The following MGAT4C variants were observed in gnomAD, a reference collection of about 807,000 sequenced individuals.
MGAT4C encodes alpha-1,3-mannosyl-glycoprotein 4-beta-N-acetylglucosaminyltransferase C.
Under a neutral mutation model 40.1 loss-of-function variants are expected in MGAT4C, and 19 were observed. That is an observed-to-expected ratio of 0.47 (90% CI 0.33 to 0.70). MGAT4C has a LOEUF of 0.70. Ranked by LOEUF, MGAT4C falls within the 30% of genes least tolerant of loss-of-function variation. MGAT4C has a pLI of 0.02. For missense variants in MGAT4C, 491 were observed against 563.2 expected, an observed-to-expected ratio of 0.87 and a Z score of 1.30; for synonymous variants, 181 against 187.1, an observed-to-expected ratio of 0.97 and a Z score of 0.27.
At chr12:86,069,506 T>G (rs1894869008) in intron 1 of MGAT4C, among the ~76,000 whole-genome samples, 1 of 152,208 alleles carries the variant, frequency 6.6e-6, no homozygotes, top group African/African-American at 2.4e-5. Flanking sequence ...TAATATTCTA[T>G]GTATGGCACT....
chr12:86,313,564 A>G (rs1234792211), intron 4 of MGAT4C, among the ~76,000 whole-genome samples: 1 of 152,196 alleles, frequency 6.6e-6, no homozygotes, highest in Non-Finnish European at 1.5e-5. Flanking sequence ...AAAGCAGAAA[A>G]AAACACATTC....
intron 3 of MGAT4C, among the ~76,000 whole-genome samples, chr12:86,388,530 C>T (rs1327128327): frequency 6.6e-6 from 1 of 152,008 alleles, no homozygotes; most frequent in Admixed American, 6.6e-5. Flanking sequence ...ACTTAATTTA[C>T]ACATAGGCCA....
intron 3 of MGAT4C, among the ~76,000 whole-genome samples, chr12:86,422,996 G>T (rs1956857753): frequency 6.6e-6 from 1 of 152,158 alleles, no homozygotes; most frequent in African/African-American, 2.4e-5. Flanking sequence ...AGAATGGGCA[G>T]AAAGTAATCT....
intron 1 of MGAT4C, among the ~76,000 whole-genome samples, chr12:86,140,821 C>G (rs1186872406): frequency 6.6e-6 from 1 of 152,080 alleles, no homozygotes; most frequent in Admixed American, 6.6e-5. Context: ...AATGACTAAT[C>G]TCCTCAACAC....
intron 2 of MGAT4C, among the ~76,000 whole-genome samples, chr12:86,688,884 G>A (rs1295638578): frequency 6.6e-6 from 1 of 152,104 alleles, no homozygotes; most frequent in Non-Finnish European, 1.5e-5. Context: ...GAATTTGAAT[G>A]TTGGCCTGCC....
At position 86,211,243 on chromosome 12, in the gene MGAT4C, C is replaced by G. The variant is rs367909988; in HGVS notation, c.-57+44996G>C. ...ATGCATATTGGACTGCATGGCATATCCTAACAAGGGCTTTTGCCTGTTAAA... is the reference window on the plus strand; with the variant it reads ...ATGCATATTGGACTGCATGGCATATGCTAACAAGGGCTTTTGCCTGTTAAA... On this transcript the variant is annotated intron_variant, in intron 1 of 4. Transcript: ENST00000611864. Among the ~76,000 whole-genome samples the G allele has an allele frequency of 5.2e-4, 75 of 144,956 alleles. 1 individual carries two copies. The highest frequency in any genetic ancestry group is 3.5e-3 in the Middle Eastern group (1 of 286).
At chr12:86,430,708 AG>A (rs1277484892) in intron 3 of MGAT4C, among the ~76,000 whole-genome samples, 3 of 152,166 alleles carry the variant, frequency 2.0e-5, no homozygotes, top group African/African-American at 7.2e-5. Context: ...CTCCAAGGTT[AG>A]GTGGAGTCAT....
At chr12:86,577,501 G>T (rs1275624978) in intron 2 of MGAT4C, among the ~76,000 whole-genome samples, 1 of 151,698 alleles carries the variant, frequency 6.6e-6, no homozygotes, top group Non-Finnish European at 1.5e-5. Flanking sequence ...AGCTTTCTGA[G>T]AATTTTTATC....
chr12:86,155,677 A>G (rs1884847577), intron 1 of MGAT4C, among the ~76,000 whole-genome samples: 4 of 152,202 alleles, frequency 2.6e-5, no homozygotes, highest in Admixed American at 2.6e-4. Context: ...CCAACTGGAA[A>G]TATCAAATAG....
chr12:86,609,849 G>A (rs1962186451), intron 2 of MGAT4C, among the ~76,000 whole-genome samples: 1 of 150,238 alleles, frequency 6.7e-6, no homozygotes, highest in Admixed American at 6.6e-5. Context: ...AACATTTAAA[G>A]AGGGATGTAG....
chr12:86,359,504 TA>T (rs538400676), intron 3 of MGAT4C, among the ~76,000 whole-genome samples: 12,884 of 144,170 alleles, frequency 0.089, 758 homozygotes, highest in Middle Eastern at 0.23. Flanking sequence ...GATAGAGACA[TA>T]AAAAAAAAAC....
intron 2 of MGAT4C, among the ~76,000 whole-genome samples, chr12:86,491,140 G>A (rs1279959309): frequency 6.6e-6 from 1 of 152,124 alleles, no homozygotes; most frequent in Non-Finnish European, 1.5e-5. Context: ...CTCTGAAATT[G>A]TGGCAATAAT....
intron 1 of MGAT4C, among the ~76,000 whole-genome samples, chr12:86,836,664 A>T (rs1428337845): frequency 1.3e-5 from 2 of 152,040 alleles, no homozygotes; most frequent in African/African-American, 4.8e-5. Context: ...AAGAGGTCAG[A>T]TATATAAAAT....
chr12:86,578,363 G>T (rs996622848), intron 2 of MGAT4C, among the ~76,000 whole-genome samples: 1 of 151,744 alleles, frequency 6.6e-6, no homozygotes, highest in African/African-American at 2.4e-5. Flanking sequence ...CTCTGGCTTT[G>T]GTATCAGGGT....
chr12:86,386,648 C>T (rs531355806), intron 3 of MGAT4C, among the ~76,000 whole-genome samples: 22 of 151,892 alleles, frequency 1.4e-4, no homozygotes, highest in African/African-American at 5.1e-4. Flanking sequence ...ACATTGTGAT[C>T]GAAAGTAAAA....
At chr12:86,428,437 C>T (rs76173724) in intron 3 of MGAT4C, among the ~76,000 whole-genome samples, 4,126 of 152,244 alleles carry the variant, frequency 0.027, 154 homozygotes, top group African/African-American at 0.086. Flanking sequence ...TGCCACCATG[C>T]CAGGCTAATT....
At chr12:86,116,977 G>A (rs1459513113) in intron 1 of MGAT4C, among the ~76,000 whole-genome samples, 1 of 152,018 alleles carries the variant, frequency 6.6e-6, no homozygotes, top group African/African-American at 2.4e-5. Context: ...AGGAGAGAAA[G>A]TTTATTTGTT....
At chr12:86,565,372 G>T (rs951109965) in intron 2 of MGAT4C, among the ~76,000 whole-genome samples, 1 of 152,174 alleles carries the variant, frequency 6.6e-6, no homozygotes, top group African/African-American at 2.4e-5. Flanking sequence ...AGTTGACAGA[G>T]GAAGGAAAGA....
chr12:86,164,072 T>C (rs1320335219), intron 1 of MGAT4C, among the ~76,000 whole-genome samples: 1 of 152,190 alleles, frequency 6.6e-6, no homozygotes, highest in Non-Finnish European at 1.5e-5. Context: ...AAGGGTTTTA[T>C]AGACATGGTG....
Sources: allele counts gnomAD v4.1 joint callset (sites outside exome capture counted in the v4.1 genomes callset), GRCh38; gene constraint gnomAD v4.1.1; transcripts MANE v1.5; gene names NCBI Gene and HGNC (gene_info 2026-07-23, HGNC 2026-07-21).